ANGPTL2: variants seen among roughly 807,000 people sequenced by gnomAD.
ANGPTL2 encodes angiopoietin like 2, also known as angiopoietin-related protein 2.
In ANGPTL2, 25 loss-of-function variants were observed where a neutral mutation model predicts 52.8. The ratio of observed to expected loss-of-function variants is 0.47; its 90% CI spans 0.35 to 0.66. The LOEUF is 0.66. Among genes scored for constraint, ANGPTL2 ranks in the 30% least tolerant of loss-of-function variants. The pLI, the probability that ANGPTL2 is intolerant of heterozygous loss-of-function variation, is 0.01. For synonymous variants in ANGPTL2, 276 were observed against 277.4 expected (o/e 1.00, Z 0.05); for missense variants, 546 against 656.9 (o/e 0.83, Z 1.84).
intron 1 of ANGPTL2, among the ~76,000 whole-genome samples, chr9:127,117,312 TA>T: frequency 6.6e-6 from 1 of 152,330 alleles, no homozygotes; most frequent in East Asian, 1.9e-4. Flanking sequence ...ACAGCTTCTT[TA>T]AAAAGCAGGG....
Position 127,091,802 on chromosome 9 carries a change from A to G in ANGPTL2, c.1150T>C (p.Phe384Leu). The G allele has an allele frequency of 6.2e-7, 1 of 1,614,160 alleles. No individual in the cohort carries two copies. Among genetic ancestry groups the G allele is most frequent in the Non-Finnish European group, 8.5e-7 (1 of 1,180,030 alleles). Reference protein sequence around the residue: ...GRKVFAEYASFRLEPESEYYK... With the variant: ...GRKVFAEYASLRLEPESEYYK... ...TACTCGCTCTCAGGTTCCAGGCGGA[A>G]ACTGGCGTATTCTGCAAAGACTTTG... The change falls in exon 4 of 5, where the codon TTC becomes CTC. Residue 384 changes from phenylalanine to leucine, a missense_variant. By Grantham distance (22) the Phe-to-Leu change is conservative. Around this residue, in one of 2 missense-constraint regions of ANGPTL2, gnomAD observed 261 missense variants for 361.0 expected, o/e 0.72. Transcript: ENST00000373425. The surrounding 1 kb of genome is among the most constrained non-coding windows in gnomAD (Gnocchi z 4.3).
At chr9:127,096,343 G>A (rs1266058513) in intron 2 of ANGPTL2, among the ~76,000 whole-genome samples, 2 of 152,274 alleles carry the variant, frequency 1.3e-5, no homozygotes, top group Non-Finnish European at 2.9e-5. Flanking sequence ...TACCAAGTCA[G>A]CAGCACAGGA....
At chr9:127,110,573 C>CT (rs1249211708) in intron 1 of ANGPTL2, among the ~76,000 whole-genome samples, 1 of 152,216 alleles carries the variant, frequency 6.6e-6, no homozygotes, top group Non-Finnish European at 1.5e-5. Context: ...CATACAGCTG[C>CT]TTTTTTGACA....
At chr9:127,120,946 C>T (rs913400143) in intron 1 of ANGPTL2, among the ~76,000 whole-genome samples, 1 of 152,108 alleles carries the variant, frequency 6.6e-6, no homozygotes, top group East Asian at 1.9e-4. Context: ...GTGCACCAGG[C>T]ACTAAGCCAA....
Position 127,088,873 on chromosome 9 carries a change from C to T in ANGPTL2, c.*66G>A. ...AACTGGTGAGGAGTTGTTCTTTGTG[C>T]TGTGGCCAGCGTGACCAGGGTGGGC... On this transcript the variant is annotated 3_prime_UTR_variant, in exon 5 of 5. Coordinates refer to ENST00000373425, the MANE Select transcript of ANGPTL2 (RefSeq NM_012098.3). The T allele has an allele frequency of 6.3e-7, 1 of 1,581,322 alleles. No homozygotes were observed.
rs2051960030 is a variant in ANGPTL2, at chr9:127,087,892, T to C, written c.*1047A>G. Reference sequence around the variant, plus strand: ...CTGGCCAGATAGGTTATTATTTGTGTGAAGACTCAAATGACCTGTAGGTTA... The same window carrying C: ...CTGGCCAGATAGGTTATTATTTGTGCGAAGACTCAAATGACCTGTAGGTTA... On this transcript the variant is annotated 3_prime_UTR_variant, in exon 5 of 5. Transcript: ENST00000373425. 1 of 152,628 alleles carries C rather than the reference T, an allele frequency of 6.6e-6. No individual in the cohort carries two copies. Among genetic ancestry groups the C allele is most frequent in the Admixed American group, 6.5e-5 (1 of 15,278 alleles). 9.5% of individuals were successfully genotyped at this position (152,628 alleles called of 1,614,324 possible).
In ANGPTL2 at chr9:127,088,818, C is replaced by CT. The variant is rs1440403634; in HGVS notation, c.*120_*121insA. On this transcript the variant is annotated 3_prime_UTR_variant, in exon 5 of 5. Transcript: ENST00000373425. ...TGCAGTGACTTCGGAAAACAGAATC[C>CT]AGCATCCCGGTCCTCCCAGCCTCAG... is the stretch of plus-strand genomic sequence containing the variant. 1 of 1,172,448 alleles carries CT rather than the reference C, an allele frequency of 8.5e-7. No individual in the cohort carries two copies. Among genetic ancestry groups the CT allele is most frequent in the African/African-American group, 1.5e-5 (1 of 65,552 alleles). The allele number at this position is 1,172,448 out of a possible 1,614,324, so 72.6% of individuals were successfully genotyped here. A position where few individuals can be genotyped will look rare whatever the true frequency, so the allele number is the denominator to read the frequency against.
intron 1 of ANGPTL2, among the ~76,000 whole-genome samples, chr9:127,119,173 C>T (rs1443936720): frequency 1.3e-5 from 2 of 152,192 alleles, no homozygotes; most frequent in Non-Finnish European, 2.9e-5. Flanking sequence ...TTCCTCTTGT[C>T]ACTGACCATA....
At chr9:127,099,720 G>A (rs559085801) in intron 2 of ANGPTL2, among the ~76,000 whole-genome samples, 11 of 152,318 alleles carry the variant, frequency 7.2e-5, no homozygotes, top group South Asian at 2.1e-4. Context: ...GCTTTTCAGC[G>A]AACCAGAGTA....
intron 2 of ANGPTL2, among the ~76,000 whole-genome samples, chr9:127,094,867 A>G (rs754905521): frequency 3.3e-4 from 51 of 152,248 alleles, no homozygotes; most frequent in African/African-American, 9.1e-4. Flanking sequence ...TGGGTGTTAT[A>G]CCACTGGTCT....
intron 1 of ANGPTL2, among the ~76,000 whole-genome samples, chr9:127,119,623 T>A (rs1308286697): frequency 6.6e-6 from 1 of 152,174 alleles, no homozygotes; most frequent in African/African-American, 2.4e-5. Flanking sequence ...TGACATAATG[T>A]ATATGCCTTA....
chr9:127,116,547 G>A (rs985619636), intron 1 of ANGPTL2, among the ~76,000 whole-genome samples: 4 of 152,174 alleles, frequency 2.6e-5, no homozygotes, highest in African/African-American at 9.7e-5. Flanking sequence ...CTGCATTTCC[G>A]GCAGTGCCTA....
rs573059025 is a variant in ANGPTL2, at chr9:127,091,826, T to C, written c.1126A>G (p.Lys376Glu). ...LVTMEDWSGRKVFAEYASFRL... is the reference protein window; with the variant it reads ...LVTMEDWSGREVFAEYASFRL... ...AAACTGGCGTATTCTGCAAAGACTT[T>C]GCGGCCGGACCAGTCCTCCATGGTC... Residue 376 changes from lysine (K) to glutamate (E), a missense_variant, in exon 4 of 5, where the codon AAA becomes GAA. This residue lies in a region of ANGPTL2 where 261 missense variants were observed against 361.0 expected (regional missense o/e 0.72). Transcript: ENST00000373425. The surrounding 1 kb of genome is among the most constrained non-coding windows in gnomAD (Gnocchi z 4.3). 3 of 1,614,206 alleles carry C rather than the reference T, an allele frequency of 1.9e-6. No individual in the cohort carries two copies. The highest frequency in any genetic ancestry group is 1.3e-5 in the African/African-American group (1 of 75,050).
intron 1 of ANGPTL2, among the ~76,000 whole-genome samples, chr9:127,117,708 T>A (rs1252067870): frequency 1.3e-5 from 2 of 152,232 alleles, no homozygotes; most frequent in African/African-American, 2.4e-5. Flanking sequence ...GCTTCATTGA[T>A]TCATTCATTC....
chr9:127,088,952 T>G lies in ANGPTL2; in HGVS notation c.1469A>C (p.Asn490Thr). The G allele has an allele frequency of 6.2e-7, 1 of 1,614,158 alleles. No homozygotes were observed. Among genetic ancestry groups the G allele is most frequent in the Non-Finnish European group, 8.5e-7 (1 of 1,180,028 alleles). ...GGGGGAGCTGGCTTAGTGGAAGGTG[T>G]TGGGGTTCGGTCGGATCATCATCAC... ...KVVMMIRPNP[N>T]TFH Residue 490 changes from asparagine to threonine, a missense_variant, in exon 5 of 5, where the codon AAC (asparagine) becomes ACC (threonine). By Grantham distance (65) the Asn-to-Thr change is moderately conservative. Around this residue, in one of 2 missense-constraint regions of ANGPTL2, gnomAD observed 261 missense variants for 361.0 expected, o/e 0.72. Coordinates refer to ENST00000373425, the MANE Select transcript of ANGPTL2 (RefSeq NM_012098.3).
At chr9:127,110,407 C>T (rs905661940) in intron 1 of ANGPTL2, among the ~76,000 whole-genome samples, 2 of 152,214 alleles carry the variant, frequency 1.3e-5, no homozygotes, top group African/African-American at 2.4e-5. Flanking sequence ...CCTCATATTC[C>T]TGTCCTTTCT....
rs1486670188 is a variant in ANGPTL2 at position 127,093,595 on chromosome 9, A to G, written c.1011+138T>C. The G allele has an allele frequency of 1.9e-5, 20 of 1,029,540 alleles. No homozygotes were observed. In the South Asian group the frequency reaches 3.0e-4, roughly 15 times the overall value. The allele number at this position is 1,029,540 out of a possible 1,614,324, so 63.8% of individuals were successfully genotyped here. On this transcript the variant is annotated intron_variant, in intron 3 of 4. Coordinates refer to ENST00000373425, the MANE Select transcript of ANGPTL2 (RefSeq NM_012098.3). ...TCTGCATCCTTCTCGCCTCAGGTAT[A>G]TGTGTTGTTGGGGCCGCACAGGCCT...
In ANGPTL2 at chr9:127,108,639, C is replaced by T; in HGVS notation, c.93G>A (p.Glu31=). Residue 31 remains glutamate (E), a synonymous_variant, in exon 2 of 5, where the codon GAG becomes GAA. Transcript: ENST00000373425. The part of the protein sequence containing the change: ...AGQEDGFEGT[E]EGSPREFIYL... ...AAATGAACTCTCTTGGCGAGCCCTC[C>T]TCAGTGCCCTCAAAACCGTCCTCCT... 6.2e-7 allele frequency: 1 copy of T among 1,613,760 alleles called. No individual in the cohort carries two copies. The highest frequency in any genetic ancestry group is 1.3e-5 in the African/African-American group (1 of 74,922).
In ANGPTL2 at chr9:127,088,671, A is replaced by T. The variant is rs1589398663; in HGVS notation, c.*268T>A. 2.0e-6 allele frequency: 1 copy of T among 504,618 alleles called. No individual in the cohort carries two copies. The highest frequency in any genetic ancestry group is 3.5e-5 in the East Asian group (1 of 28,790). The allele number at this position is 504,618 out of a possible 1,614,324, so 31.3% of individuals were successfully genotyped here. On this transcript the variant is annotated 3_prime_UTR_variant, in exon 5 of 5. Coordinates refer to ENST00000373425, the MANE Select transcript of ANGPTL2 (RefSeq NM_012098.3). ...AGTTGTGTTTTTATTGTAGAGACTT[A>T]ATTTATTTAAAGAAAGAGTTGTCTG...
Sources: allele counts gnomAD v4.1 joint callset (sites outside exome capture counted in the v4.1 genomes callset), GRCh38; gene constraint gnomAD v4.1.1; regional missense constraint gnomAD v4.1.1; non-coding constraint Gnocchi (gnomAD v3.1); transcripts MANE v1.5; gene names NCBI Gene and HGNC (gene_info 2026-07-23, HGNC 2026-07-21).